Variants in UBL3 observed in about 807,000 individuals in gnomAD.
UBL3 encodes the protein ubiquitin-like protein 3.
A neutral mutation model predicts 18.4 loss-of-function variants in UBL3; 6 were observed. The observed-to-expected ratio is 0.33, with a 90% CI of 0.18 to 0.64. The LOEUF (loss-of-function observed/expected upper bound fraction) is 0.64. UBL3 is among the 30% of genes least tolerant of loss of function. The probability of loss-of-function intolerance (pLI) is 0.76; values close to 1 mark genes in which losing one functional copy is unlikely to be tolerated. For missense variants in UBL3, 109 were observed against 142.9 expected, an observed-to-expected ratio of 0.76 and a Z score of 1.21; for synonymous variants, 49 against 46.6, an observed-to-expected ratio of 1.05 and a Z score of -0.21.
chr13:29,828,982 G>A lies in UBL3; in HGVS notation c.27+20530C>T, dbSNP rs551562580. Among the ~76,000 whole-genome samples the A allele has an allele frequency of 3.9e-5, 6 of 152,324 alleles. No homozygotes were observed. The South Asian group carries it at 1.0e-3, about 26-fold the overall frequency. ...CTGGGTATCAGCAGCGGAGGCTGCA[G>A]AACAGCGAATATTGCTCAAAAGCAA... On this transcript the variant is annotated intron_variant, in intron 1 of 4. Coordinates refer to ENST00000380680, the MANE Select transcript of UBL3 (RefSeq NM_007106.4).
chr13:29,784,059 C>G (rs1045318611), intron 1 of UBL3, among the ~76,000 whole-genome samples: 1 of 152,152 alleles, frequency 6.6e-6, no homozygotes. Flanking sequence ...TCCTGTAAGG[C>G]CAATGGATAC....
intron 3 of UBL3, among the ~76,000 whole-genome samples, chr13:29,770,249 A>G (rs1876804759): frequency 6.6e-6 from 1 of 152,064 alleles, no homozygotes; most frequent in Non-Finnish European, 1.5e-5. Context: ...CCAAAAGACA[A>G]ATAGTTGAAT....
chr13:29,817,383 A>G (rs1878309146), intron 1 of UBL3, among the ~76,000 whole-genome samples: 1 of 152,102 alleles, frequency 6.6e-6, no homozygotes, highest in East Asian at 1.9e-4. Context: ...GAATTTTTTA[A>G]ATGAATTAAG....
At chr13:29,776,209 G>C (rs1016503106) in intron 2 of UBL3, among the ~76,000 whole-genome samples, 2 of 148,906 alleles carry the variant, frequency 1.3e-5, no homozygotes, top group Non-Finnish European at 3.0e-5. Context: ...TGATATGAAG[G>C]TGTGTGTATA....
At chr13:29,767,803 A>G (rs887939576) in intron 3 of UBL3, 108 bp from the exon 4 acceptor site, 2 of 842,338 alleles carry the variant, frequency 2.4e-6, no homozygotes, top group Non-Finnish European at 3.6e-6. Context: ...TGACTTCTTT[A>G]ACAGATTCAA....
intron 1 of UBL3, among the ~76,000 whole-genome samples, chr13:29,784,142 G>C (rs974936232): frequency 2.0e-5 from 3 of 152,122 alleles, no homozygotes; most frequent in African/African-American, 4.8e-5. Context: ...CTATTTGTTA[G>C]ATAGTATCAA....
At chr13:29,777,952 A>C (rs186696685) in intron 1 of UBL3, among the ~76,000 whole-genome samples, 6 of 152,212 alleles carry the variant, frequency 3.9e-5, no homozygotes, top group African/African-American at 1.4e-4. Flanking sequence ...TTTTTAGTAG[A>C]GATGAGGTTT....
chr13:29,832,373 C>A (rs1399932231), intron 1 of UBL3, among the ~76,000 whole-genome samples: 1 of 151,276 alleles, frequency 6.6e-6, no homozygotes, highest in African/African-American at 2.4e-5. Context: ...CGCTCTTTCG[C>A]CCAGGCCAGA....
intron 1 of UBL3, among the ~76,000 whole-genome samples, chr13:29,835,251 A>G (rs1377467741): frequency 7.0e-6 from 1 of 142,532 alleles, no homozygotes. Flanking sequence ...AGTGTGATAC[A>G]TGCTCCAGAA....
At chr13:29,786,454 T>C (rs1159420989) in intron 1 of UBL3, among the ~76,000 whole-genome samples, 1 of 152,134 alleles carries the variant, frequency 6.6e-6, no homozygotes, top group Non-Finnish European at 1.5e-5. Context: ...CCTTTGGCCA[T>C]CTAATCATCC....
At chr13:29,833,458 TACC>T (rs1211509944) in intron 1 of UBL3, among the ~76,000 whole-genome samples, 1 of 151,506 alleles carries the variant, frequency 6.6e-6, no homozygotes, top group Non-Finnish European at 1.5e-5. Flanking sequence ...AGAAAACAAA[TACC>T]ACAAGAAACA....
At chr13:29,833,018 A>G (rs1878821633) in intron 1 of UBL3, among the ~76,000 whole-genome samples, 3 of 152,246 alleles carry the variant, frequency 2.0e-5, no homozygotes, top group Admixed American at 6.5e-5. Flanking sequence ...ATTATGGACA[A>G]GCAGGGGTTC....
intron 1 of UBL3, among the ~76,000 whole-genome samples, chr13:29,784,644 A>C (rs1877262686): frequency 6.6e-6 from 1 of 152,090 alleles, no homozygotes; most frequent in Admixed American, 6.5e-5. Flanking sequence ...TCCCACTTAT[A>C]CAATATTCTT....
Position 29,766,297 on chromosome 13 carries a change from T to C in UBL3, c.*958A>G, listed in dbSNP as rs569920351. 1.3e-5 allele frequency: 2 copies of C among 152,618 alleles called. No individual in the cohort carries two copies. Among genetic ancestry groups the C allele is most frequent in the South Asian group, 4.1e-4 (2 of 4,830 alleles). The allele number at this position is 152,618 out of a possible 1,614,324, so 9.5% of individuals were successfully genotyped here. Reference sequence around the variant, plus strand: ...ATATAAAGAAACAAAATTAGTACTATGGAGTTTTTTTTTAATTTTAAGAAT... The same window carrying C: ...ATATAAAGAAACAAAATTAGTACTACGGAGTTTTTTTTTAATTTTAAGAAT... On this transcript the variant is annotated 3_prime_UTR_variant, in exon 5 of 5. Coordinates refer to ENST00000380680, the MANE Select transcript of UBL3 (RefSeq NM_007106.4).
chr13:29,832,219 CACTT>C (rs1220235454), intron 1 of UBL3, among the ~76,000 whole-genome samples: 1 of 152,162 alleles, frequency 6.6e-6, no homozygotes, highest in Non-Finnish European at 1.5e-5. Flanking sequence ...CACATAAAAA[CACTT>C]ACAATTGCTA....
chr13:29,839,380 G>C lies in UBL3; in HGVS notation c.27+10132C>G, dbSNP rs961551113. On this transcript the variant is annotated intron_variant, in intron 1 of 4. Transcript: ENST00000380680. The stretch of plus-strand genomic sequence containing the variant: ...GAGCACAAGGGAAGTTTTAAAATAT[G>C]CTTTATTGAATGATAATAAAAATAA... 1.1e-4 allele frequency among the ~76,000 whole-genome samples: 17 copies of C among 152,140 alleles called. 1 individual carries two copies. The highest frequency in any genetic ancestry group is 2.2e-4 in the Non-Finnish European group (15 of 68,022).
At chr13:29,826,023 G>A (rs1878609719) in intron 1 of UBL3, among the ~76,000 whole-genome samples, 1 of 152,190 alleles carries the variant, frequency 6.6e-6, no homozygotes, top group African/African-American at 2.4e-5. Flanking sequence ...TGCTGAACCA[G>A]CCTTGCATCC....
chr13:29,772,396 C>T (rs1043385606), intron 2 of UBL3, among the ~76,000 whole-genome samples, 198 bp from the exon 3 acceptor site: 1 of 152,040 alleles, frequency 6.6e-6, no homozygotes, highest in African/African-American at 2.4e-5. Flanking sequence ...GTAGCAAGAG[C>T]TGCAAAAAGA....
intron 1 of UBL3, among the ~76,000 whole-genome samples, chr13:29,843,227 TTA>T (rs1879150912): frequency 6.6e-6 from 1 of 152,168 alleles, no homozygotes; most frequent in East Asian, 1.9e-4. Context: ...GTGTTTTCAT[TTA>T]TAAACATACA....
Sources: gnomAD v4.1 joint callset for allele counts (sites outside exome capture counted in the v4.1 genomes callset) on GRCh38, gnomAD v4.1.1 for gene constraint, MANE v1.5 for transcripts, NCBI Gene and HGNC (gene_info 2026-07-23, HGNC 2026-07-21) for gene names.